Variants in ARHGAP15 observed in about 807,000 individuals in gnomAD.
ARHGAP15 encodes rho GTPase-activating protein 15.
A neutral mutation model predicts 63.7 loss-of-function variants in ARHGAP15; 51 were observed. That is an observed-to-expected ratio of 0.80 (90% CI 0.64 to 1.01). The LOEUF is 1.01. Among genes scored for constraint, ARHGAP15 ranks in the 50% least tolerant of loss-of-function variants. The pLI, the probability that ARHGAP15 is intolerant of heterozygous loss-of-function variation, is 0.00. For missense variants in ARHGAP15, 560 were observed against 564.6 expected (o/e 0.99, Z 0.08); for synonymous variants, 191 against 193.8 (o/e 0.99, Z 0.12).
At chr2:143,721,061 C>CAAAAAAAAAAAAAA (rs60500194) in intron 13 of ARHGAP15, among the ~76,000 whole-genome samples, 7 of 78,416 alleles carry the variant, frequency 8.9e-5, no homozygotes, top group Non-Finnish European at 1.7e-4. Flanking sequence ...GACTCCGTCT[C>CAAAAAAAAAAAAAA]AAAAAAAAAA....
rs1696163671 is a variant in ARHGAP15 at position 143,564,945 on chromosome 2, T to C, written c.1003+8460T>C. On this transcript the variant is annotated intron_variant, in intron 11 of 13. Coordinates refer to ENST00000295095, the MANE Select transcript of ARHGAP15 (RefSeq NM_018460.4). ...AAATGTAATACATTTATATCATTGC[T>C]GATAATAGGAGCATTTAATTGAGAA... Among the ~76,000 whole-genome samples the C allele has an allele frequency of 2.6e-5, 4 of 152,322 alleles. No homozygotes were observed. In the South Asian group the frequency reaches 6.2e-4, roughly 24 times the overall value.
chr2:143,143,952 T>C (rs573207759), intron 1 of ARHGAP15, among the ~76,000 whole-genome samples: 3 of 152,180 alleles, frequency 2.0e-5, no homozygotes, highest in Non-Finnish European at 4.4e-5. Flanking sequence ...ATATGTATTG[T>C]TCTCCTCTAT....
intron 12 of ARHGAP15, among the ~76,000 whole-genome samples, chr2:143,700,893 G>A (rs1298154044): frequency 6.6e-6 from 1 of 152,110 alleles, no homozygotes; most frequent in Non-Finnish European, 1.5e-5. Context: ...GTCTTGTGAA[G>A]CATCACATTT....
At chr2:143,695,967 A>G (rs1683826919) in intron 12 of ARHGAP15, among the ~76,000 whole-genome samples, 1 of 152,218 alleles carries the variant, frequency 6.6e-6, no homozygotes, top group Non-Finnish European at 1.5e-5. Flanking sequence ...ATACAGCCAC[A>G]TGAGAAAGAA....
intron 2 of ARHGAP15, among the ~76,000 whole-genome samples, chr2:143,182,841 A>C (rs1168615488): frequency 6.6e-6 from 1 of 152,170 alleles, no homozygotes; most frequent in Non-Finnish European, 1.5e-5. Flanking sequence ...AGTAGCAGGG[A>C]TACTAACAAC....
At chr2:143,639,734 CTCATG>C (rs1680517099) in intron 12 of ARHGAP15, among the ~76,000 whole-genome samples, 1 of 152,050 alleles carries the variant, frequency 6.6e-6, no homozygotes, top group Non-Finnish European at 1.5e-5. Flanking sequence ...CACTTCATCC[CTCATG>C]TCATGTGCCA....
chr2:143,633,455 AGAAAT>A (rs1364838081), intron 12 of ARHGAP15, among the ~76,000 whole-genome samples: 1 of 152,024 alleles, frequency 6.6e-6, no homozygotes, highest in Non-Finnish European at 1.5e-5. Flanking sequence ...GCCTTGACTC[AGAAAT>A]TAATTGAGTG....
chr2:143,286,296 TGC>T (rs1356315882), intron 6 of ARHGAP15, among the ~76,000 whole-genome samples: 1 of 152,168 alleles, frequency 6.6e-6, no homozygotes, highest in African/African-American at 2.4e-5. Context: ...GTTCTCTGAA[TGC>T]CAGCCAGAGT....
chr2:143,136,684 G>A, intron 1 of ARHGAP15, among the ~76,000 whole-genome samples: 1 of 151,850 alleles, frequency 6.6e-6, no homozygotes, highest in Non-Finnish European at 1.5e-5. Context: ...AAAAAGATAT[G>A]GAAAGAGAAA....
chr2:143,210,679 G>T (rs1204157086), intron 3 of ARHGAP15, among the ~76,000 whole-genome samples: 1 of 152,070 alleles, frequency 6.6e-6, no homozygotes, highest in Non-Finnish European at 1.5e-5. Flanking sequence ...ACTTATTAAA[G>T]AATATAAATA....
intron 2 of ARHGAP15, among the ~76,000 whole-genome samples, chr2:143,160,638 GT>G (rs750093089): frequency 6.6e-6 from 1 of 151,874 alleles, no homozygotes; most frequent in East Asian, 1.9e-4. Context: ...AAATTCGAAG[GT>G]TTCCTAAGGT....
At chr2:143,390,766 C>T (rs569199516) in intron 6 of ARHGAP15, among the ~76,000 whole-genome samples, 64 of 142,822 alleles carry the variant, frequency 4.5e-4, no homozygotes, top group Middle Eastern at 3.5e-3. Flanking sequence ...CACACACACA[C>T]GTGCAAAGAG....
chr2:143,490,926 C>A (rs140403208), intron 9 of ARHGAP15, among the ~76,000 whole-genome samples: 4 of 152,206 alleles, frequency 2.6e-5, no homozygotes, highest in Admixed American at 2.6e-4. Context: ...CCGCACCTGG[C>A]CCATATTTTC....
intron 6 of ARHGAP15, among the ~76,000 whole-genome samples, chr2:143,313,099 C>A (rs969713943): frequency 1.2e-4 from 18 of 151,864 alleles, no homozygotes; most frequent in African/African-American, 3.6e-4. Flanking sequence ...AAATTCCTAA[C>A]TGTATGTTAA....
chr2:143,696,654 C>A (rs1047464496), intron 12 of ARHGAP15, among the ~76,000 whole-genome samples: 7 of 151,982 alleles, frequency 4.6e-5, no homozygotes, highest in African/African-American at 1.7e-4. Context: ...TTGATACTGA[C>A]AATTATTGAC....
At chr2:143,735,338 A>T (rs141786568) in intron 13 of ARHGAP15, among the ~76,000 whole-genome samples, 161 of 152,302 alleles carry the variant, frequency 1.1e-3, no homozygotes, top group Non-Finnish European at 1.8e-3. Flanking sequence ...AAAATTCCAC[A>T]ATCAGACGTG....
At chr2:143,457,125 C>T (rs1468211165) in intron 8 of ARHGAP15, among the ~76,000 whole-genome samples, 4 of 152,106 alleles carry the variant, frequency 2.6e-5, no homozygotes, top group Admixed American at 2.6e-4. Flanking sequence ...AAGCTCCCAT[C>T]TCAAAGTTTC....
At chr2:143,403,896 G>C (rs955580286) in intron 6 of ARHGAP15, among the ~76,000 whole-genome samples, 20 of 150,130 alleles carry the variant, frequency 1.3e-4, no homozygotes, top group African/African-American at 4.9e-4. Context: ...CAAGACTCTC[G>C]GGAGCTGCAC....
intron 8 of ARHGAP15, among the ~76,000 whole-genome samples, chr2:143,470,584 CAT>C (rs952787949): frequency 2.7e-5 from 4 of 147,462 alleles, no homozygotes; most frequent in Admixed American, 6.8e-5. Flanking sequence ...TGTGTGTGTA[CAT>C]ATATATATGC....
Sources: allele counts gnomAD v4.1 joint callset (sites outside exome capture counted in the v4.1 genomes callset), GRCh38; gene constraint gnomAD v4.1.1; transcripts MANE v1.5; gene names NCBI Gene and HGNC (gene_info 2026-07-23, HGNC 2026-07-21).